KCNK2: variants seen among roughly 807,000 people sequenced by gnomAD.
KCNK2 encodes the protein potassium two pore domain channel subfamily K member 2.
A neutral mutation model predicts 40.5 loss-of-function variants in KCNK2; 21 were observed. The ratio of observed to expected loss-of-function variants is 0.52; its 90% CI spans 0.37 to 0.75. The LOEUF (loss-of-function observed/expected upper bound fraction) is 0.75. Among genes scored for constraint, KCNK2 ranks in the 30% least tolerant of loss-of-function variants. KCNK2 has a pLI of 0.00. For missense variants in KCNK2, 399 were observed against 531.6 expected (o/e 0.75, Z 2.45); for synonymous variants, 191 against 202.2 (o/e 0.94, Z 0.47).
At chr1:215,193,560 C>T (rs187624280) in intron 5 of KCNK2, among the ~76,000 whole-genome samples, 5 of 152,138 alleles carry the variant, frequency 3.3e-5, no homozygotes, top group South Asian at 2.1e-4. Flanking sequence ...CTTGATGATT[C>T]GGCCTGTAAA....
At chr1:215,187,325 G>A (rs191045246) in intron 5 of KCNK2, among the ~76,000 whole-genome samples, 1 of 152,242 alleles carries the variant, frequency 6.6e-6, no homozygotes, top group Admixed American at 6.5e-5. Flanking sequence ...GAGAATTAGT[G>A]TTGATTCTCT....
At chr1:215,194,183 C>A (rs946714669) in intron 5 of KCNK2, among the ~76,000 whole-genome samples, 1 of 152,060 alleles carries the variant, frequency 6.6e-6, no homozygotes, top group Non-Finnish European at 1.5e-5. Flanking sequence ...GGGTACTAAA[C>A]AAAGGGTGTG....
At chr1:215,114,942 T>C (rs1056485759) in intron 2 of KCNK2, among the ~76,000 whole-genome samples, 6 of 151,970 alleles carry the variant, frequency 3.9e-5, no homozygotes, top group African/African-American at 1.4e-4. Flanking sequence ...ATTTGGGTTG[T>C]AGGAAGTTTG....
intron 1 of KCNK2, among the ~76,000 whole-genome samples, chr1:215,013,476 T>A (rs1656479587): frequency 6.6e-6 from 1 of 152,192 alleles, no homozygotes; most frequent in South Asian, 2.1e-4. Flanking sequence ...TGTCGGGATT[T>A]TAATTGGGAT....
upstream of KCNK2, chr1:215,082,145 G>T (rs913952470): frequency 1.3e-5 from 2 of 152,296 alleles, no homozygotes; most frequent in Non-Finnish European, 2.9e-5. Context: ...GGCTCCAGGT[G>T]CGTTCCCCAT....
chr1:215,063,462 C>T (rs1057041830), intron 1 of KCNK2, among the ~76,000 whole-genome samples: 5 of 152,182 alleles, frequency 3.3e-5, no homozygotes, highest in African/African-American at 1.2e-4. Flanking sequence ...TCCCCATCCT[C>T]ATCTCCATGA....
At chr1:215,084,132 G>A (rs1315865846) in intron 1 of KCNK2, among the ~76,000 whole-genome samples, 1 of 150,048 alleles carries the variant, frequency 6.7e-6, no homozygotes, top group East Asian at 2.0e-4. Flanking sequence ...TAAAAAATAA[G>A]GCAACAGCTT....
chr1:215,029,176 G>A lies in KCNK2; in HGVS notation c.34+23221G>A, dbSNP rs140011852. On this transcript the variant is annotated intron_variant, in intron 1 of 6. Transcript: ENST00000391895. ...TAATTTAATTTAGGGTTCACTTTTGGTGTTGTACATCCTATGACTTTGAAC... is the reference window on the plus strand; with the variant it reads ...TAATTTAATTTAGGGTTCACTTTTGATGTTGTACATCCTATGACTTTGAAC... Among the ~76,000 whole-genome samples, 109 of 151,952 alleles carry A rather than the reference G, an allele frequency of 7.2e-4. 1 individual carries two copies. In the East Asian group the frequency reaches 0.019, roughly 27 times the overall value.
At chr1:215,125,543 A>C (rs1558102631) in intron 3 of KCNK2, among the ~76,000 whole-genome samples, 3 of 151,846 alleles carry the variant, frequency 2.0e-5, no homozygotes, top group Admixed American at 6.6e-5. Flanking sequence ...GTGAATGAGA[A>C]CACTTGGACA....
intron 2 of KCNK2, among the ~76,000 whole-genome samples, chr1:215,112,214 C>G (rs1660724393): frequency 6.6e-6 from 1 of 151,954 alleles, no homozygotes; most frequent in Non-Finnish European, 1.5e-5. Flanking sequence ...CTTCTCTTTC[C>G]CTCCCCTGGG....
At position 215,149,485 on chromosome 1, in the gene KCNK2, A is replaced by G. The variant is rs75406756; in HGVS notation, c.476-19714A>G. Among the ~76,000 whole-genome samples the G allele has an allele frequency of 4.3e-3, 653 of 152,302 alleles. 5 individuals are homozygous for G. Among genetic ancestry groups the G allele is most frequent in the African/African-American group, 0.015 (613 of 41,578 alleles). ...TCTTCTATGAAAAGATACTTTATGAAGAAAGTGTTGTAATGCAACCCATGA... is the reference window on the plus strand; with the variant it reads ...TCTTCTATGAAAAGATACTTTATGAGGAAAGTGTTGTAATGCAACCCATGA... On this transcript the variant is annotated intron_variant, in intron 3 of 6. Transcript: ENST00000444842.
intron 2 of KCNK2, among the ~76,000 whole-genome samples, chr1:215,118,579 A>C (rs1460277988): frequency 1.3e-5 from 2 of 152,074 alleles, no homozygotes. Context: ...ATAAAAATCT[A>C]TAATTGCAAC....
Position 215,086,588 on chromosome 1 carries a change from T to TGGAGCAGCC in KCNK2, c.267_268insGGAGCAGCC (p.Ile89_Ser90insGlyAlaAla). 6.2e-7 allele frequency: 1 copy of TGGAGCAGCC among 1,614,174 alleles called. No individual in the cohort carries two copies. The highest frequency in any genetic ancestry group is 8.5e-7 in the Non-Finnish European group (1 of 1,180,012). On this transcript the variant is annotated inframe_insertion, in exon 2 of 7. Coordinates refer to ENST00000444842, the MANE Select transcript of KCNK2 (RefSeq NM_001017425.3). ...AAGCATTGGAGCAGCCTCATGAGAT[T>TGGAGCAGCC]TCACAGAGGACCACCATTGTGATCC...
At chr1:215,178,998 AT>A (rs35115547) in intron 5 of KCNK2, among the ~76,000 whole-genome samples, 61 of 149,584 alleles carry the variant, frequency 4.1e-4, no homozygotes, top group African/African-American at 1.2e-3. Flanking sequence ...TGGTTGGTAG[AT>A]TTTTTTTTTT....
intron 2 of KCNK2, among the ~76,000 whole-genome samples, chr1:215,110,529 A>G (rs1030475720): frequency 6.6e-6 from 1 of 152,094 alleles, no homozygotes; most frequent in Non-Finnish European, 1.5e-5. Context: ...TTATATATGC[A>G]TAGCTTTATT....
intron 6 of KCNK2, among the ~76,000 whole-genome samples, chr1:215,199,802 G>T (rs1665009567): frequency 6.6e-6 from 1 of 152,224 alleles, no homozygotes; most frequent in African/African-American, 2.4e-5. Context: ...ACAAGACTCA[G>T]AAGGTAAAAT....
At chr1:215,146,349 T>A (rs1373973471) in intron 3 of KCNK2, among the ~76,000 whole-genome samples, 1 of 152,210 alleles carries the variant, frequency 6.6e-6, no homozygotes, top group African/African-American at 2.4e-5. Context: ...AAAAATAACA[T>A]AAGAAACTTG....
chr1:215,008,836 A>G (rs1656278007), intron 1 of KCNK2, among the ~76,000 whole-genome samples: 1 of 152,156 alleles, frequency 6.6e-6, no homozygotes, highest in Non-Finnish European at 1.5e-5. Context: ...GTGCAGTAAA[A>G]AAATGAGTAA....
intron 6 of KCNK2, among the ~76,000 whole-genome samples, chr1:215,208,870 C>T (rs927559252): frequency 3.9e-5 from 6 of 151,934 alleles, no homozygotes; most frequent in African/African-American, 1.5e-4. Context: ...TTCTGTGGAC[C>T]AGGCTGGAGT....
Sources: gnomAD v4.1 joint callset for allele counts (sites outside exome capture counted in the v4.1 genomes callset) on GRCh38, gnomAD v4.1.1 for gene constraint, MANE v1.5 for transcripts, NCBI Gene and HGNC (gene_info 2026-07-23, HGNC 2026-07-21) for gene names.